SLC7A7: variants seen among roughly 807,000 people sequenced by gnomAD.
SLC7A7 encodes the protein solute carrier family 7 member 7.
Under a neutral mutation model 47.9 loss-of-function variants are expected in SLC7A7, and 39 were observed. That is an observed-to-expected ratio of 0.81 (90% CI 0.63 to 1.06). The LOEUF (loss-of-function observed/expected upper bound fraction) is 1.06, where lower values mean the gene tolerates loss of function less well. SLC7A7 is among the 50% of genes least tolerant of loss of function. The pLI, the probability that SLC7A7 is intolerant of heterozygous loss-of-function variation, is 0.00. For missense variants in SLC7A7, 588 were observed against 632.0 expected, an observed-to-expected ratio of 0.93 and a Z score of 0.75; for synonymous variants, 234 against 242.8, an observed-to-expected ratio of 0.96 and a Z score of 0.34.
In SLC7A7 at chr14:22,773,458, T is replaced by G; in HGVS notation, c.*152A>C. On this transcript the variant is annotated 3_prime_UTR_variant, in exon 10 of 10. Coordinates refer to ENST00000674313, the MANE Select transcript of SLC7A7 (RefSeq NM_003982.4). The stretch of plus-strand genomic sequence containing the variant: ...TGTAGCAAAACAAATAAATTACTTT[T>G]CATTTCAAAAAGTAAGTTCAAAGGT... 1 of 725,714 alleles carries G rather than the reference T, an allele frequency of 1.4e-6. No individual in the cohort carries two copies. The highest frequency in any genetic ancestry group is 2.5e-6 in the Non-Finnish European group (1 of 395,240). The allele number at this position is 725,714 out of a possible 1,614,324, so 45.0% of individuals were successfully genotyped here.
chr14:22,806,260 A>G (rs982070349), intron 2 of SLC7A7, among the ~76,000 whole-genome samples: 1 of 131,494 alleles, frequency 7.6e-6, no homozygotes, highest in Non-Finnish European at 1.5e-5. Flanking sequence ...CAATGGTGCA[A>G]TCTCGGCTCA....
intron 2 of SLC7A7, among the ~76,000 whole-genome samples, chr14:22,784,357 C>A (rs1024847320): frequency 6.6e-6 from 1 of 152,186 alleles, no homozygotes; most frequent in Non-Finnish European, 1.5e-5. Flanking sequence ...CAGTGGCTCA[C>A]GCCTGTAATC....
chr14:22,806,339 G>A lies in SLC7A7; in HGVS notation c.499+6561C>T, dbSNP rs1021083656. On this transcript the variant is annotated intron_variant, in intron 2 of 9. Transcript: ENST00000674313. ...GCCTCCCAAGTAGCTGGGATTACAG[G>A]TGCCCGCCATCATGCCCGGCTAATT... 6.6e-5 allele frequency among the ~76,000 whole-genome samples: 10 copies of A among 151,412 alleles called. No homozygotes were observed. The East Asian group carries it at 2.0e-3, about 30-fold the overall frequency.
At chr14:22,809,673 C>T (rs11851258) in intron 2 of SLC7A7, among the ~76,000 whole-genome samples, 82,108 of 151,576 alleles carry the variant, frequency 0.54, 22,534 homozygotes, top group East Asian at 0.8. Flanking sequence ...GGGGGTTTCA[C>T]GATCCGCCCA....
chr14:22,812,705 G>A (rs929527156), intron 2 of SLC7A7, among the ~76,000 whole-genome samples, 195 bp downstream of exon 2: 4 of 149,786 alleles, frequency 2.7e-5, no homozygotes, highest in Admixed American at 1.3e-4. Context: ...TGAGAAGCTG[G>A]GGAAAAGGTG....
At chr14:22,809,553 G>A (rs992671241) in intron 2 of SLC7A7, among the ~76,000 whole-genome samples, 2 of 152,068 alleles carry the variant, frequency 1.3e-5, no homozygotes, top group Non-Finnish European at 2.9e-5. Context: ...ATGTTGGCCA[G>A]GATGATCTTG....
chr14:22,780,369 A>AGTG (rs1362249172), intron 2 of SLC7A7: 1 of 332,194 alleles, frequency 3.0e-6, no homozygotes, highest in Non-Finnish European at 5.8e-6. Context: ...GTACAGGATT[A>AGTG]GTGATTGTTC....
intron 2 of SLC7A7, among the ~76,000 whole-genome samples, chr14:22,789,347 A>G (rs1182754774): frequency 6.6e-6 from 1 of 152,182 alleles, no homozygotes; most frequent in East Asian, 1.9e-4. Flanking sequence ...GGCCAGGCGC[A>G]GTGGCTCATG....
At chr14:22,776,062 C>T (rs2038599290) in intron 5 of SLC7A7, 126 bp from the exon 6 acceptor site, 3 of 1,467,246 alleles carry the variant, frequency 2.0e-6, no homozygotes, top group Admixed American at 3.3e-5. Context: ...TTAACAGGAC[C>T]TTCTTGCAAG....
At chr14:22,791,056 T>C (rs2139418811) in intron 2 of SLC7A7, among the ~76,000 whole-genome samples, 1 of 151,970 alleles carries the variant, frequency 6.6e-6, no homozygotes, top group South Asian at 2.1e-4. Flanking sequence ...TATTTGTAGA[T>C]AAGAGTTCAA....
intron 2 of SLC7A7, among the ~76,000 whole-genome samples, chr14:22,810,979 G>A (rs529028546): frequency 3.3e-5 from 5 of 151,570 alleles, no homozygotes; most frequent in African/African-American, 7.3e-5. Flanking sequence ...ACTCCGTCTC[G>A]GAAAAAAAAA....
At chr14:22,778,072 C>A (rs1484585601) in intron 4 of SLC7A7, among the ~76,000 whole-genome samples, 2 of 151,968 alleles carry the variant, frequency 1.3e-5, no homozygotes, top group South Asian at 2.1e-4. Flanking sequence ...AAGACTCTCT[C>A]CAAAAAACAA....
intron 2 of SLC7A7, among the ~76,000 whole-genome samples, chr14:22,797,510 A>G (rs2039039218): frequency 6.6e-6 from 1 of 152,190 alleles, no homozygotes; most frequent in South Asian, 2.1e-4. Flanking sequence ...CCTTCACTCA[A>G]AAGTGGACAT....
chr14:22,795,401 TC>T (rs1555324007), intron 2 of SLC7A7, among the ~76,000 whole-genome samples: 20 of 5,938 alleles, frequency 3.4e-3, no homozygotes, highest in African/African-American at 5.6e-3. Context: ...TTTCTTTCTT[TC>T]TTTCTTTCTT....
intron 2 of SLC7A7, among the ~76,000 whole-genome samples, chr14:22,784,589 G>GC (rs1231599208): frequency 7.9e-5 from 12 of 151,830 alleles, no homozygotes; most frequent in Admixed American, 6.6e-4. Flanking sequence ...CTGCACTCCA[G>GC]CCTGGTGACA....
chr14:22,774,288 A>G (rs1360325542), intron 8 of SLC7A7, 66 bp downstream of exon 8: 8 of 1,611,984 alleles, frequency 5.0e-6, no homozygotes, highest in Non-Finnish European at 5.9e-6. Flanking sequence ...GTGCTTTGTC[A>G]TAGTCCCTTG....
intron 2 of SLC7A7, among the ~76,000 whole-genome samples, chr14:22,799,228 C>T (rs1302359715): frequency 3.3e-5 from 5 of 152,072 alleles, no homozygotes; most frequent in Non-Finnish European, 7.4e-5. Context: ...CACAGGTAGT[C>T]ATTCATTCCT....
rs1257354881 is a variant in SLC7A7 at position 22,815,361 on chromosome 14, G to A, written c.-84C>T. Reference sequence around the variant, plus strand: ...TAAGCAGGTTCTCACGGCAGTGTGAGCAGCAGTCAGGGAGAGAAGTGCCTT... The same window carrying A: ...TAAGCAGGTTCTCACGGCAGTGTGAACAGCAGTCAGGGAGAGAAGTGCCTT... On this transcript the variant is annotated 5_prime_UTR_variant, in exon 1 of 10. Coordinates refer to ENST00000674313, the MANE Select transcript of SLC7A7 (RefSeq NM_003982.4). 2 of 454,454 alleles carry A rather than the reference G, an allele frequency of 4.4e-6. No homozygotes were observed. Among genetic ancestry groups the A allele is most frequent in the African/African-American group, 2.0e-5 (1 of 50,000 alleles). The allele number at this position is 454,454 out of a possible 1,614,324, so 28.2% of individuals were successfully genotyped here. A position where few individuals can be genotyped will look rare whatever the true frequency, so the allele number is the denominator to read the frequency against.
chr14:22,803,525 A>G (rs1266489492), intron 2 of SLC7A7, among the ~76,000 whole-genome samples: 1 of 152,234 alleles, frequency 6.6e-6, no homozygotes, highest in Non-Finnish European at 1.5e-5. Context: ...GGAGTAAGGG[A>G]ATAAGCTCTG....
Sources: allele counts gnomAD v4.1 joint callset (sites outside exome capture counted in the v4.1 genomes callset), GRCh38; gene constraint gnomAD v4.1.1; transcripts MANE v1.5; gene names NCBI Gene and HGNC (gene_info 2026-07-23, HGNC 2026-07-21).